Variants in CLASP1 observed in about 807,000 individuals in gnomAD.
CLASP1 encodes CLIP-associating protein 1.
CLASP1 carries 38 observed loss-of-function variants against 192.3 expected under a neutral mutation model. The observed-to-expected ratio is 0.20, with a 90% CI of 0.15 to 0.26. CLASP1 has a LOEUF of 0.26. Ranked by LOEUF, CLASP1 falls within the 10% of genes least tolerant of loss-of-function variation. CLASP1 has a pLI of 1.00. For synonymous variants in CLASP1, 691 were observed against 712.8 expected, an observed-to-expected ratio of 0.97 and a Z score of 0.49; for missense variants, 1,433 against 1,932.5, an observed-to-expected ratio of 0.74 and a Z score of 4.85.
intron 8 of CLASP1, among the ~76,000 whole-genome samples, chr2:121,492,006 G>A (rs1371254068): frequency 6.6e-6 from 1 of 152,062 alleles, no homozygotes; most frequent in Non-Finnish European, 1.5e-5. Flanking sequence ...AATCCAGAAC[G>A]TTTCTTACTC....
intron 2 of CLASP1, among the ~76,000 whole-genome samples, chr2:121,587,343 C>T (rs942557354): frequency 9.9e-5 from 15 of 152,210 alleles, no homozygotes; most frequent in Non-Finnish European, 1.8e-4. Flanking sequence ...GAACATCCCC[C>T]TGCCTGGATC....
At chr2:121,500,312 G>GAGAGAGAGGA (rs1418254424) in intron 8 of CLASP1, among the ~76,000 whole-genome samples, 1 of 147,450 alleles carries the variant, frequency 6.8e-6, no homozygotes, top group Non-Finnish European at 1.5e-5. Context: ...GAGACAGAAA[G>GAGAGAGAGGA]AGAGAGAGGA....
chr2:121,448,218 C>A (rs1293853272), intron 18 of CLASP1, 58 bp downstream of exon 18: 1 of 1,478,458 alleles, frequency 6.8e-7, no homozygotes, highest in Non-Finnish European at 9.5e-7. Context: ...CCTCTTGCAG[C>A]TGCACGTACA....
chr2:121,359,543 T>C (rs1304823109), intron 37 of CLASP1, among the ~76,000 whole-genome samples: 1 of 152,220 alleles, frequency 6.6e-6, no homozygotes, highest in Non-Finnish European at 1.5e-5. Flanking sequence ...CATGGAGTTC[T>C]CTTGGAAACA....
intron 37 of CLASP1, among the ~76,000 whole-genome samples, chr2:121,349,267 AAAAGT>A (rs2063914905): frequency 6.6e-6 from 1 of 151,644 alleles, no homozygotes; most frequent in Non-Finnish European, 1.5e-5. Flanking sequence ...AAAAGAAAAG[AAAAGT>A]GGTACTCCAA....
At chr2:121,372,791 G>T (rs548634883) in intron 34 of CLASP1, among the ~76,000 whole-genome samples, 9 of 152,276 alleles carry the variant, frequency 5.9e-5, no homozygotes, top group Admixed American at 5.9e-4. Flanking sequence ...TATCACCAGG[G>T]TGAAGTCAAG....
At chr2:121,492,349 A>C (rs1046023556) in intron 8 of CLASP1, among the ~76,000 whole-genome samples, 26 of 140,124 alleles carry the variant, frequency 1.9e-4, no homozygotes, top group African/African-American at 6.1e-4. Flanking sequence ...AGGTCGCACC[A>C]GTGTACTCCA....
At chr2:121,476,933 G>A (rs576453293) in intron 8 of CLASP1, among the ~76,000 whole-genome samples, 2 of 152,306 alleles carry the variant, frequency 1.3e-5, no homozygotes, top group South Asian at 4.1e-4. Context: ...TCTTGAATTT[G>A]CAGAGCTCCA....
intron 30 of CLASP1, among the ~76,000 whole-genome samples, chr2:121,390,211 T>C (rs1463449296): frequency 2.0e-5 from 3 of 152,170 alleles, no homozygotes; most frequent in African/African-American, 7.2e-5. Flanking sequence ...TATGATCTCA[T>C]TAAACAAGTA....
At chr2:121,548,365 T>C (rs2057680629) in intron 2 of CLASP1, among the ~76,000 whole-genome samples, 2 of 151,814 alleles carry the variant, frequency 1.3e-5, no homozygotes, top group African/African-American at 2.4e-5. Flanking sequence ...ACAAAAATAG[T>C]GACAAAAAGA....
intron 8 of CLASP1, among the ~76,000 whole-genome samples, chr2:121,473,533 G>A (rs79312076): frequency 0.052 from 7,868 of 152,194 alleles, 686 homozygotes; most frequent in African/African-American, 0.18. Flanking sequence ...CCTGCAGGAC[G>A]AGGGGAAGAA....
intron 2 of CLASP1, among the ~76,000 whole-genome samples, chr2:121,568,823 C>T (rs1463102323): frequency 6.6e-6 from 1 of 152,064 alleles, no homozygotes; most frequent in Non-Finnish European, 1.5e-5. Flanking sequence ...TGGTCTTCCC[C>T]TACCTTCACT....
chr2:121,634,817 G>T (rs1274239338), intron 1 of CLASP1, among the ~76,000 whole-genome samples: 1 of 152,168 alleles, frequency 6.6e-6, no homozygotes, highest in Non-Finnish European at 1.5e-5. Flanking sequence ...AGGATCCCAT[G>T]CCTGGAGGAT....
At chr2:121,591,070 G>T (rs1301537998) in intron 2 of CLASP1, among the ~76,000 whole-genome samples, 2 of 152,094 alleles carry the variant, frequency 1.3e-5, no homozygotes, top group East Asian at 3.9e-4. Context: ...GTTTCACCAT[G>T]TTGGCCAGGG....
At chr2:121,571,843 T>G (rs35309172) in intron 2 of CLASP1, among the ~76,000 whole-genome samples, 107,063 of 152,030 alleles carry the variant, frequency 0.7, 41,575 homozygotes, top group Non-Finnish European at 0.86. Context: ...TAGAGGGTGT[T>G]GAGTATCATG....
chr2:121,570,593 AG>A (rs1199356946), intron 2 of CLASP1, among the ~76,000 whole-genome samples: 2 of 152,380 alleles, frequency 1.3e-5, no homozygotes, highest in East Asian at 1.9e-4. Flanking sequence ...AATATCAGGG[AG>A]CCCGGCTTCT....
chr2:121,593,600 C>CAAGAGAA (rs1465435997), intron 2 of CLASP1, among the ~76,000 whole-genome samples: 1 of 27,088 alleles, frequency 3.7e-5, no homozygotes, highest in Non-Finnish European at 6.7e-5. Flanking sequence ...GCCTGGGCAA[C>CAAGAGAA]AAGAGAAAAG....
At chr2:121,376,745 A>ATTAC (rs2149320664) in intron 34 of CLASP1, among the ~76,000 whole-genome samples, 1 of 152,310 alleles carries the variant, frequency 6.6e-6, no homozygotes, top group Admixed American at 6.5e-5. Context: ...CATTGCTCAC[A>ATTAC]TTACTGCCTG....
chr2:121,474,206 T>C (rs1324676294), intron 8 of CLASP1, among the ~76,000 whole-genome samples: 1 of 152,064 alleles, frequency 6.6e-6, no homozygotes, highest in African/African-American at 2.4e-5. Flanking sequence ...GAACCAAAAT[T>C]AGGATATATG....
Sources: allele counts gnomAD v4.1 joint callset (sites outside exome capture counted in the v4.1 genomes callset), GRCh38; gene constraint gnomAD v4.1.1; transcripts MANE v1.5; gene names NCBI Gene and HGNC (gene_info 2026-07-23, HGNC 2026-07-21).